Variants in PCA3 observed in about 807,000 individuals in gnomAD.
PCA3 encodes the protein Differential Display code 3.
At chr9:76,780,052 T>C (rs1452135710) in intron 2 of PCA3, 1 of 152,202 alleles carries the variant, frequency 6.6e-6, no homozygotes, top group Admixed American at 6.5e-5. Flanking sequence ...GGAAAAATAC[T>C]GGTATTTTCT....
chr9:76,769,245 C>T (rs191252969), intron 2 of PCA3, among the ~76,000 whole-genome samples: 1 of 152,314 alleles, frequency 6.6e-6, no homozygotes, highest in Admixed American at 6.5e-5. Context: ...ATTATACACA[C>T]TATTCTGCAG....
intron 2 of PCA3, among the ~76,000 whole-genome samples, chr9:76,771,808 G>A (rs1243346742): frequency 6.6e-6 from 1 of 152,092 alleles, no homozygotes; most frequent in East Asian, 1.9e-4. Flanking sequence ...ACTATACTCC[G>A]TGTACTGCCC....
chr9:76,773,709 G>T (rs1336443123), intron 2 of PCA3, among the ~76,000 whole-genome samples: 17 of 152,146 alleles, frequency 1.1e-4, no homozygotes, highest in Admixed American at 7.9e-4. Context: ...CTCCCAAAGT[G>T]CTGGGATTAC....
chr9:76,776,933 C>CAG (rs2053858183), intron 2 of PCA3, among the ~76,000 whole-genome samples: 4 of 143,034 alleles, frequency 2.8e-5, no homozygotes, highest in South Asian at 2.2e-4. Context: ...CACACACACA[C>CAG]ACACACACAC....
At chr9:76,780,373 C>T (rs1170813364) in intron 2 of PCA3, among the ~76,000 whole-genome samples, 1 of 152,082 alleles carries the variant, frequency 6.6e-6, no homozygotes, top group Admixed American at 6.6e-5. Context: ...AGTCTGGCCA[C>T]CTGTATCCAA....
At chr9:76,767,755 C>T (rs1190409725) in intron 2 of PCA3, among the ~76,000 whole-genome samples, 1 of 152,146 alleles carries the variant, frequency 6.6e-6, no homozygotes, top group Non-Finnish European at 1.5e-5. Flanking sequence ...CTGCCCAGCA[C>T]AAGTCTATCC....
At chr9:76,767,026 C>G (rs1329108685) in intron 2 of PCA3, among the ~76,000 whole-genome samples, 6 of 152,204 alleles carry the variant, frequency 3.9e-5, no homozygotes, top group Admixed American at 3.9e-4. Context: ...CTTAACCTTG[C>G]CTGTCTTATT....
intron 2 of PCA3, among the ~76,000 whole-genome samples, chr9:76,772,059 A>G (rs530220608): frequency 6.6e-6 from 1 of 152,286 alleles, no homozygotes; most frequent in Admixed American, 6.5e-5. Context: ...CTTTTAACCC[A>G]AGAATCCTGG....
At chr9:76,773,438 C>CT (rs35078779) in intron 2 of PCA3, among the ~76,000 whole-genome samples, 1,457 of 107,534 alleles carry the variant, frequency 0.014, 28 homozygotes, top group South Asian at 0.027. Flanking sequence ...ACTAGTACAT[C>CT]TTTTTTTTTT....
intron 2 of PCA3, among the ~76,000 whole-genome samples, chr9:76,776,522 T>C (rs1394225752): frequency 2.9e-5 from 4 of 138,592 alleles, no homozygotes; most frequent in Admixed American, 7.1e-5. Context: ...TTTTTTCTTT[T>C]TTTTTTTTTT....
At chr9:76,773,276 T>C (rs935554005) in intron 2 of PCA3, among the ~76,000 whole-genome samples, 1 of 152,134 alleles carries the variant, frequency 6.6e-6, no homozygotes, top group Non-Finnish European at 1.5e-5. Flanking sequence ...TCCAAATCCT[T>C]TTCATTGAAG....
At chr9:76,776,663 C>T (rs1037751836) in intron 2 of PCA3, among the ~76,000 whole-genome samples, 4 of 151,370 alleles carry the variant, frequency 2.6e-5, no homozygotes, top group Non-Finnish European at 4.4e-5. Flanking sequence ...TACAGGTGCC[C>T]GCCACTATGC....
At chr9:76,775,424 G>C (rs568661945) in intron 2 of PCA3, among the ~76,000 whole-genome samples, 2 of 152,062 alleles carry the variant, frequency 1.3e-5, no homozygotes, top group African/African-American at 2.4e-5. Context: ...AGCCTCCAGA[G>C]TAGCTGGGAC....
chr9:76,765,283 C>T (rs1243030784), intron 2 of PCA3, among the ~76,000 whole-genome samples: 3 of 152,000 alleles, frequency 2.0e-5, no homozygotes, highest in East Asian at 1.9e-4. Context: ...TGGAAGAAAA[C>T]GATGCCATAG....
At chr9:76,776,169 C>A (rs1347067973) in intron 2 of PCA3, among the ~76,000 whole-genome samples, 2 of 152,156 alleles carry the variant, frequency 1.3e-5, no homozygotes, top group East Asian at 3.8e-4. Flanking sequence ...TTAGGGGGTA[C>A]AAGTGCAGTT....
chr9:76,776,825 T>G (rs534065719), intron 2 of PCA3, among the ~76,000 whole-genome samples: 44 of 151,636 alleles, frequency 2.9e-4, no homozygotes, highest in African/African-American at 1.0e-3. Flanking sequence ...CAGCAGTTTT[T>G]TTTTTTTTTG....
chr9:76,774,457 T>TATTTA (rs756648285), intron 2 of PCA3, among the ~76,000 whole-genome samples: 33 of 73,550 alleles, frequency 4.5e-4, no homozygotes, highest in Non-Finnish European at 6.0e-4. Flanking sequence ...ACCCTTTTTT[T>TATTTA]TTTTTTTTTT....
At chr9:76,784,433 G>A (rs1233770763) in intron 2 of PCA3, 1 of 152,172 alleles carries the variant, frequency 6.6e-6, no homozygotes, top group South Asian at 2.1e-4. Flanking sequence ...ACGGGGCAGA[G>A]GGTCAGGATT....
At chr9:76,774,453 T>TTTTTATTTATTTATTTATTTTA (rs1554761597) in intron 2 of PCA3, among the ~76,000 whole-genome samples, 4 of 122,308 alleles carry the variant, frequency 3.3e-5, no homozygotes, top group East Asian at 4.9e-4. Context: ...TTCAACCCTT[T>TTTTTATTTATTTATTTATTTTA]TTTTTTTTTT....
Sources: allele counts gnomAD v4.1 joint callset (sites outside exome capture counted in the v4.1 genomes callset), GRCh38; gene constraint gnomAD v4.1.1; transcripts MANE v1.5; gene names NCBI Gene and HGNC (gene_info 2026-07-23, HGNC 2026-07-21).